POU2F1: variants seen among roughly 807,000 people sequenced by gnomAD.
POU2F1 encodes the protein POU class 2 homeobox 1, also known as POU domain, class 2, transcription factor 1.
POU2F1 carries 16 observed loss-of-function variants against 84.9 expected under a neutral mutation model. That is an observed-to-expected ratio of 0.19 (90% confidence interval 0.13 to 0.29). The LOEUF is 0.29. Ranked by LOEUF, POU2F1 falls within the 10% of genes least tolerant of loss-of-function variation. The pLI is 1.00. For synonymous variants in POU2F1, 368 were observed against 368.3 expected, an observed-to-expected ratio of 1.00 and a Z score of 0.01; for missense variants, 738 against 942.6, an observed-to-expected ratio of 0.78 and a Z score of 2.84.
At chr1:167,225,076 G>T (rs113471244) in intron 1 of POU2F1, among the ~76,000 whole-genome samples, 9 of 152,018 alleles carry the variant, frequency 5.9e-5, no homozygotes, top group African/African-American at 1.7e-4. Flanking sequence ...GGATCCACCC[G>T]CCTCGGCTTT....
chr1:167,304,748 A>G (rs2102579230), intron 1 of POU2F1, among the ~76,000 whole-genome samples: 1 of 152,354 alleles, frequency 6.6e-6, no homozygotes, highest in Non-Finnish European at 1.5e-5. Flanking sequence ...TTGAAGTTCA[A>G]GTAAACTAAT....
chr1:167,338,354 T>C (rs1657608144), intron 2 of POU2F1: 1 of 392,918 alleles, frequency 2.5e-6, no homozygotes, highest in Admixed American at 2.8e-5. Context: ...TAGTCAACTG[T>C]TTATGTTATC....
At chr1:167,321,088 G>T (rs530430983) in intron 1 of POU2F1, among the ~76,000 whole-genome samples, 1 of 152,298 alleles carries the variant, frequency 6.6e-6, no homozygotes, top group East Asian at 1.9e-4. Context: ...AATTAAACCA[G>T]CATGAAAAAT....
chr1:167,285,155 T>C (rs1371942561), intron 1 of POU2F1, among the ~76,000 whole-genome samples: 1 of 152,340 alleles, frequency 6.6e-6, no homozygotes, highest in East Asian at 1.9e-4. Context: ...TGAATCTTCT[T>C]TCCTCATCTG....
intron 1 of POU2F1, among the ~76,000 whole-genome samples, chr1:167,314,235 T>C (rs1478741602): frequency 1.4e-5 from 2 of 145,768 alleles, no homozygotes; most frequent in Admixed American, 1.4e-4. Context: ...AAGAAAGAAA[T>C]AGACATGTCA....
intron 2 of POU2F1, among the ~76,000 whole-genome samples, chr1:167,342,744 C>G (rs1008399819): frequency 2.0e-5 from 3 of 152,128 alleles, no homozygotes; most frequent in African/African-American, 4.8e-5. Context: ...TTTGAACTTA[C>G]GTTTATCCAG....
chr1:167,376,243 G>A, intron 7 of POU2F1, 88 bp downstream of exon 7: 1 of 1,353,466 alleles, frequency 7.4e-7, no homozygotes, highest in Non-Finnish European at 9.9e-7. Flanking sequence ...TTTTGGCCCT[G>A]AAACTATTAG....
rs148647493 is a variant in POU2F1 at position 167,234,139 on chromosome 1, TG to T, written c.61+13183del. On this transcript the variant is annotated intron_variant, in intron 1 of 15. Transcript: ENST00000367866. Reference sequence around the variant, plus strand: ...GTGGAATGATGAAGCATATATCAAATGGAATTGGGGGATTGCAGAATTTCCA... The same window carrying T: ...GTGGAATGATGAAGCATATATCAAATGAATTGGGGGATTGCAGAATTTCCA... Among the ~76,000 whole-genome samples the T allele has an allele frequency of 7.0e-3, 1,066 of 152,288 alleles. 7 individuals carry two copies. The highest frequency in any genetic ancestry group is 0.024 in the African/African-American group (1,012 of 41,562).
At chr1:167,402,022 C>T (rs1237658642) in intron 13 of POU2F1, among the ~76,000 whole-genome samples, 1 of 152,204 alleles carries the variant, frequency 6.6e-6, no homozygotes, top group African/African-American at 2.4e-5. Flanking sequence ...TTTATTTTTA[C>T]ACACCTGTCT....
chr1:167,296,868 T>C (rs1016447467), intron 1 of POU2F1, among the ~76,000 whole-genome samples: 1 of 152,226 alleles, frequency 6.6e-6, no homozygotes, highest in African/African-American at 2.4e-5. Flanking sequence ...TAAAAACTTG[T>C]ATCATGAAGG....
chr1:167,279,213 C>T (rs1345247857), intron 1 of POU2F1, among the ~76,000 whole-genome samples: 2 of 152,208 alleles, frequency 1.3e-5, no homozygotes, highest in Non-Finnish European at 2.9e-5. Flanking sequence ...ATATAGCAAA[C>T]GTGAATAAAA....
At chr1:167,220,981 T>C in intron 1 of POU2F1, 23 bp downstream of exon 1, 7 of 1,529,102 alleles carry the variant, frequency 4.6e-6, no homozygotes, top group Non-Finnish European at 6.1e-6. Context: ...GCATTTTACA[T>C]ATTCATATTC....
At chr1:167,324,797 A>G (rs1656581653) in intron 1 of POU2F1, among the ~76,000 whole-genome samples, 1 of 152,198 alleles carries the variant, frequency 6.6e-6, no homozygotes, top group South Asian at 2.1e-4. Flanking sequence ...CCACGTTGAT[A>G]AAGTACATGT....
At position 167,374,237 on chromosome 1, in the gene POU2F1, G is replaced by A. The variant is rs376733697; in HGVS notation, c.532G>A (p.Ala178Thr). 49 of 1,613,698 alleles carry A rather than the reference G, an allele frequency of 3.0e-5. No homozygotes were observed. Among genetic ancestry groups the A allele is most frequent in the Non-Finnish European group, 3.5e-5 (41 of 1,179,928 alleles). The change falls in exon 6 of 16, where the codon GCC becomes ACC. Residue 178 changes from alanine (A) to threonine (T), a missense_variant. By Grantham distance (58) the Ala-to-Thr change is moderately conservative. Around this residue, in one of 4 missense-constraint regions of POU2F1, gnomAD observed 163 missense variants for 214.4 expected, o/e 0.76. Coordinates refer to ENST00000367866, the MANE Select transcript of POU2F1 (RefSeq NM_002697.4). The part of the protein sequence containing the change: ...QHSAAGATIS[A>T]SAATPMTQIP... Reference sequence around the variant, plus strand: ...CAGTGCTGCTGGAGCCACCATCTCCGCCTCTGCTGCCACGCCCATGACGCA... The same window carrying A: ...CAGTGCTGCTGGAGCCACCATCTCCACCTCTGCTGCCACGCCCATGACGCA...
chr1:167,267,436 C>T (rs755968358), intron 1 of POU2F1, among the ~76,000 whole-genome samples: 1 of 151,884 alleles, frequency 6.6e-6, no homozygotes, highest in Non-Finnish European at 1.5e-5. Flanking sequence ...TTACTTATAA[C>T]TAGCTCTTTT....
chr1:167,399,185 G>A lies in POU2F1; in HGVS notation c.1270-1G>A. 1 of 1,597,296 alleles carries A rather than the reference G, an allele frequency of 6.3e-7. No homozygotes were observed. The highest frequency in any genetic ancestry group is 8.5e-7 in the Non-Finnish European group (1 of 1,170,898). Reference sequence around the variant, plus strand: ...TGGAATTACATCTTTTCACCCTGCAGAATCAAAAGCCTACCTCGGAAGAGA... The same window carrying A: ...TGGAATTACATCTTTTCACCCTGCAAAATCAAAAGCCTACCTCGGAAGAGA... On this transcript the variant is annotated splice_acceptor_variant, in intron 11 of 15. Transcript: ENST00000367866. LOFTEE classifies it high-confidence loss of function.
intron 1 of POU2F1, among the ~76,000 whole-genome samples, chr1:167,295,774 G>A (rs1031974235): frequency 6.6e-6 from 1 of 152,198 alleles, no homozygotes; most frequent in Non-Finnish European, 1.5e-5. Flanking sequence ...CATAACCAGT[G>A]TAAAGTGAAT....
chr1:167,358,186 T>A (rs1659101128), intron 2 of POU2F1, among the ~76,000 whole-genome samples: 1 of 147,166 alleles, frequency 6.8e-6, no homozygotes, highest in Admixed American at 7.0e-5. Flanking sequence ...AGGAGTGCAG[T>A]GGCGCGATCT....
At chr1:167,382,314 G>A (rs1363710987) in intron 7 of POU2F1, among the ~76,000 whole-genome samples, 1 of 152,148 alleles carries the variant, frequency 6.6e-6, no homozygotes, top group African/African-American at 2.4e-5. Flanking sequence ...GAACTGGTGA[G>A]GAAGGATGAG....
Sources: allele counts gnomAD v4.1 joint callset (sites outside exome capture counted in the v4.1 genomes callset), GRCh38; gene constraint gnomAD v4.1.1; regional missense constraint gnomAD v4.1.1; transcripts MANE v1.5; gene names NCBI Gene and HGNC (gene_info 2026-07-23, HGNC 2026-07-21).